Variants in STARD13 observed in about 807,000 individuals in gnomAD.
STARD13 encodes StAR related lipid transfer domain containing 13.
A neutral mutation model predicts 106.4 loss-of-function variants in STARD13; 62 were observed. That is an observed-to-expected ratio of 0.58 (90% CI 0.48 to 0.72). The LOEUF (loss-of-function observed/expected upper bound fraction) is 0.72. Among genes scored for constraint, STARD13 ranks in the 30% least tolerant of loss-of-function variants. STARD13 has a pLI of 0.00. For missense variants in STARD13, 1,387 were observed against 1,424.0 expected, an observed-to-expected ratio of 0.97 and a Z score of 0.42; for synonymous variants, 565 against 553.0, an observed-to-expected ratio of 1.02 and a Z score of -0.31.
At chr13:33,485,319 G>A in the STARD13 span, among the ~76,000 whole-genome samples, 2 of 152,106 alleles carry the variant, frequency 1.3e-5, no homozygotes, top group Non-Finnish European at 2.9e-5. Context: ...AGTGAGACCA[G>A]TTTAAAGTAT....
chr13:33,193,352 G>C (rs932177388), intron 1 of STARD13, among the ~76,000 whole-genome samples: 2 of 152,178 alleles, frequency 1.3e-5, no homozygotes, highest in Non-Finnish European at 2.9e-5. Flanking sequence ...GAAGGTTCTA[G>C]GTGGGAACAT....
chr13:33,226,730 C>T (rs929767423), intron 1 of STARD13, among the ~76,000 whole-genome samples: 3 of 152,154 alleles, frequency 2.0e-5, no homozygotes, highest in Non-Finnish European at 4.4e-5. Context: ...CCACCACACC[C>T]GGCCTCAAAT....
chr13:33,662,063 C>T, the STARD13 span, among the ~76,000 whole-genome samples: 2 of 151,850 alleles, frequency 1.3e-5, no homozygotes, highest in Non-Finnish European at 2.9e-5. Context: ...GAGATCGAGA[C>T]CATCCTGGCT....
chr13:33,600,331 T>A, the STARD13 span, among the ~76,000 whole-genome samples: 1 of 152,300 alleles, frequency 6.6e-6, no homozygotes, highest in East Asian at 1.9e-4. Flanking sequence ...CTATGAAAGA[T>A]AGTATTAAGA....
At chr13:33,564,009 T>C in the STARD13 span, among the ~76,000 whole-genome samples, 1 of 145,984 alleles carries the variant, frequency 6.9e-6, no homozygotes, top group Non-Finnish European at 1.5e-5. Flanking sequence ...CTGGCCAACA[T>C]GGTGAAACCC....
the STARD13 span, among the ~76,000 whole-genome samples, chr13:33,366,800 G>A: frequency 2.6e-5 from 4 of 152,280 alleles, no homozygotes; most frequent in Admixed American, 1.3e-4. This position sits in a 1 kb window ranked among gnomAD's most constrained non-coding sequence, Gnocchi z 4.2. Context: ...AAAACAGCAC[G>A]TTTGTACAGT....
At chr13:33,258,591 T>C (rs1374769790) in intron 1 of STARD13, among the ~76,000 whole-genome samples, 6 of 152,248 alleles carry the variant, frequency 3.9e-5, no homozygotes, top group Admixed American at 2.0e-4. Context: ...TGCAGAGTAG[T>C]GGAATATTTC....
At chr13:33,413,488 T>C in the STARD13 span, among the ~76,000 whole-genome samples, 7 of 152,072 alleles carry the variant, frequency 4.6e-5, no homozygotes, top group African/African-American at 7.2e-5. Context: ...TTCTTTAAAA[T>C]TGACAAACAT....
At chr13:33,557,173 C>T in the STARD13 span, among the ~76,000 whole-genome samples, 2,944 of 151,336 alleles carry the variant, frequency 0.019, 95 homozygotes, top group African/African-American at 0.065. Flanking sequence ...ATATTGTTTC[C>T]CCCCTCCACT....
At chr13:33,496,063 T>A in the STARD13 span, among the ~76,000 whole-genome samples, 1 of 141,824 alleles carries the variant, frequency 7.1e-6, no homozygotes, top group Non-Finnish European at 1.5e-5. Context: ...ATAATTATAG[T>A]TATATATAGT....
chr13:33,373,385 TTAAC>T, the STARD13 span, among the ~76,000 whole-genome samples: 1 of 152,204 alleles, frequency 6.6e-6, no homozygotes, highest in African/African-American at 2.4e-5. Flanking sequence ...TGATAAATCA[TTAAC>T]TAAGCATCGT....
chr13:33,274,504 C>T lies in STARD13; in HGVS notation c.169+10966G>A, dbSNP rs144668350. On this transcript the variant is annotated intron_variant, in intron 1 of 13. Coordinates refer to ENST00000336934, the MANE Select transcript of STARD13 (RefSeq NM_178006.4). ...CCCAGTCTCTGGCACTTTATTACTG[C>T]AGCCCCAGCAAACTAAGACAGTCAT... 3.9e-3 allele frequency among the ~76,000 whole-genome samples: 595 copies of T among 152,326 alleles called. 3 individuals carry two copies. The highest frequency in any genetic ancestry group is 6.5e-3 in the Non-Finnish European group (445 of 68,026).
At chr13:33,147,957 A>C (rs898327310) in intron 3 of STARD13, among the ~76,000 whole-genome samples, 8 of 152,246 alleles carry the variant, frequency 5.3e-5, no homozygotes, top group Non-Finnish European at 1.5e-5. Flanking sequence ...AGCAAAGGCA[A>C]TACGATGGAT....
the STARD13 span, among the ~76,000 whole-genome samples, chr13:33,364,558 G>GGT: frequency 6.6e-6 from 1 of 152,154 alleles, no homozygotes; most frequent in Non-Finnish European, 1.5e-5. Context: ...TCGTGGGCAA[G>GGT]GTGTGTGTGG....
chr13:33,267,949 T>G (rs541006551), intron 1 of STARD13, among the ~76,000 whole-genome samples: 6 of 152,256 alleles, frequency 3.9e-5, no homozygotes, highest in African/African-American at 1.4e-4. Context: ...GTTGGGACCA[T>G]GTATTATTAG....
chr13:33,257,812 G>C (rs930605745), intron 1 of STARD13, among the ~76,000 whole-genome samples: 2 of 152,182 alleles, frequency 1.3e-5, no homozygotes, highest in Non-Finnish European at 2.9e-5. Context: ...CAGAAACAAA[G>C]CTGTGAGGAT....
At position 33,200,919 on chromosome 13, in the gene STARD13, G is replaced by A. The variant is rs1216531137; in HGVS notation, c.170-33297C>T. ...CAGGCGCCTGTGGTCCCAGCTACTCGGGAGGCTGAGGCGGGAGAATGGCGT... is the reference window on the plus strand; with the variant it reads ...CAGGCGCCTGTGGTCCCAGCTACTCAGGAGGCTGAGGCGGGAGAATGGCGT... On this transcript the variant is annotated intron_variant, in intron 1 of 13. Coordinates refer to ENST00000336934, the MANE Select transcript of STARD13 (RefSeq NM_178006.4). Among the ~76,000 whole-genome samples, 8 of 151,988 alleles carry A rather than the reference G, an allele frequency of 5.3e-5. No homozygotes were observed. In the East Asian group the frequency reaches 9.6e-4, roughly 18 times the overall value.
At chr13:33,233,717 A>G (rs1201145539) in intron 1 of STARD13, among the ~76,000 whole-genome samples, 1 of 152,052 alleles carries the variant, frequency 6.6e-6, no homozygotes, top group Non-Finnish European at 1.5e-5. Flanking sequence ...CTGTTAATAC[A>G]AGTCTGCAGA....
chr13:33,163,602 A>ATATATATATATATATATAT, intron 3 of STARD13, among the ~76,000 whole-genome samples: 1 of 89,620 alleles, frequency 1.1e-5, no homozygotes, highest in South Asian at 5.3e-4. Flanking sequence ...AAAAAAAAAA[A>ATATATATATATATATATAT]AAAATATATA....
Sources: gnomAD v4.1 joint callset for allele counts (sites outside exome capture counted in the v4.1 genomes callset) on GRCh38, gnomAD v4.1.1 for gene constraint, Gnocchi (gnomAD v3.1) non-coding constraint, MANE v1.5 for transcripts, NCBI Gene and HGNC (gene_info 2026-07-23, HGNC 2026-07-21) for gene names.